Variants in NSMAF observed in about 807,000 individuals in gnomAD.
NSMAF encodes neutral sphingomyelinase activation associated factor.
NSMAF carries 90 observed loss-of-function variants against 134.9 expected under a neutral mutation model. The ratio of observed to expected loss-of-function variants is 0.67; its 90% CI spans 0.56 to 0.79. NSMAF has a LOEUF of 0.79. Ranked by LOEUF, NSMAF falls within the 30% of genes least tolerant of loss-of-function variation. The probability of loss-of-function intolerance (pLI) is 0.00; values close to 1 mark genes in which losing one functional copy is unlikely to be tolerated. For synonymous variants in NSMAF, 358 were observed against 389.6 expected, an observed-to-expected ratio of 0.92 and a Z score of 0.96; for missense variants, 1,010 against 1,119.0, an observed-to-expected ratio of 0.90 and a Z score of 1.39.
rs1039963590 is a variant in NSMAF at position 58,626,248 on chromosome 8, G to C, written c.385-2468C>G. ...CAAGTAGCTGGGACTACAGGCACTTGCCTCGCCCGGCTAATTTTTTGTATT... is the reference window on the plus strand; with the variant it reads ...CAAGTAGCTGGGACTACAGGCACTTCCCTCGCCCGGCTAATTTTTTGTATT... On this transcript the variant is annotated intron_variant, in intron 6 of 30. Coordinates refer to ENST00000038176, the MANE Select transcript of NSMAF (RefSeq NM_003580.4). Among the ~76,000 whole-genome samples the C allele has an allele frequency of 2.0e-5, 3 of 150,524 alleles. No homozygotes were observed. The East Asian group carries it at 5.8e-4, about 29-fold the overall frequency.
chr8:58,594,402 G>C, intron 22 of NSMAF, 112 bp from the exon 23 acceptor site: 1 of 936,548 alleles, frequency 1.1e-6, no homozygotes, highest in African/African-American at 1.6e-5. Context: ...TTTCTTCACA[G>C]CATGTCTGCC....
chr8:58,594,141 G>T, intron 23 of NSMAF, 91 bp downstream of exon 23: 1 of 1,034,230 alleles, frequency 9.7e-7, no homozygotes, highest in Non-Finnish European at 1.5e-6. Context: ...GGCAGCACAT[G>T]CAAGTGCAGT....
At chr8:58,627,158 T>C (rs1192452120) in intron 6 of NSMAF, among the ~76,000 whole-genome samples, 1 of 152,222 alleles carries the variant, frequency 6.6e-6, no homozygotes, top group Non-Finnish European at 1.5e-5. Context: ...ACTCTGTGGG[T>C]TGTCTGTTTA....
intron 6 of NSMAF, among the ~76,000 whole-genome samples, chr8:58,624,815 C>T (rs978509062): frequency 6.6e-6 from 1 of 152,174 alleles, no homozygotes; most frequent in Non-Finnish European, 1.5e-5. Flanking sequence ...CCTATCTGAA[C>T]GTTCTACCCA....
At chr8:58,658,926 A>G (rs76664593) in intron 1 of NSMAF, among the ~76,000 whole-genome samples, 2 of 152,164 alleles carry the variant, frequency 1.3e-5, no homozygotes, top group African/African-American at 4.8e-5. Context: ...CACAAGGTCC[A>G]CTGCGCGGGG....
chr8:58,646,087 G>A (rs1337054830), intron 1 of NSMAF, among the ~76,000 whole-genome samples: 3 of 152,070 alleles, frequency 2.0e-5, no homozygotes, highest in Admixed American at 6.5e-5. Context: ...CAAAAGAAAA[G>A]TAACTCAAAA....
chr8:58,627,450 C>A (rs1806961317), intron 6 of NSMAF, among the ~76,000 whole-genome samples: 1 of 152,044 alleles, frequency 6.6e-6, no homozygotes, highest in Non-Finnish European at 1.5e-5. Context: ...GACCATTTAC[C>A]TAGAAAACTC....
rs1806220722 is a variant in NSMAF at position 58,599,369 on chromosome 8, A to T, written c.1454-6T>A. ...CTGGAGAAAGTCCTCGGGACCTATT[A>T]GATTAGACTCAATCGAAAAATCATG... On this transcript the variant is annotated splice_polypyrimidine_tract_variant and splice_region_variant and intron_variant, in intron 18 of 30. Transcript: ENST00000038176. 6.2e-7 allele frequency: 1 copy of T among 1,611,954 alleles called. No homozygotes were observed. Among genetic ancestry groups the T allele is most frequent in the Admixed American group, 1.7e-5 (1 of 59,484 alleles).
At chr8:58,630,442 A>G (rs1807031804) in intron 6 of NSMAF, among the ~76,000 whole-genome samples, 1 of 152,020 alleles carries the variant, frequency 6.6e-6, no homozygotes, top group Admixed American at 6.6e-5. Flanking sequence ...AACCATGTGC[A>G]GGTATGCAAT....
intron 12 of NSMAF, 24 bp from the exon 13 acceptor site, chr8:58,603,410 T>C: frequency 6.2e-7 from 1 of 1,610,638 alleles, no homozygotes; most frequent in Non-Finnish European, 8.5e-7. Flanking sequence ...ACCCACGAGG[T>C]CTGCCACTTA....
intron 9 of NSMAF, among the ~76,000 whole-genome samples, chr8:58,620,970 T>C (rs1432522543): frequency 6.6e-6 from 1 of 152,188 alleles, no homozygotes; most frequent in Non-Finnish European, 1.5e-5. Flanking sequence ...TTATTTTAGT[T>C]TCAGGGTACA....
chr8:58,596,061 G>A (rs1173506096), intron 21 of NSMAF, among the ~76,000 whole-genome samples: 2 of 152,128 alleles, frequency 1.3e-5, no homozygotes, highest in Admixed American at 6.5e-5. Flanking sequence ...ATCAATTACC[G>A]CAAGGGCTTC....
intron 11 of NSMAF, among the ~76,000 whole-genome samples, chr8:58,606,561 G>A (rs1014242055): frequency 6.6e-6 from 1 of 152,046 alleles, no homozygotes; most frequent in Admixed American, 6.6e-5. Context: ...GGCTACAGGC[G>A]CACCATGCCC....
intron 9 of NSMAF, among the ~76,000 whole-genome samples, chr8:58,613,213 A>G (rs1157436585): frequency 5.9e-5 from 9 of 152,200 alleles, no homozygotes; most frequent in Admixed American, 5.9e-4. Flanking sequence ...GCAAACACAT[A>G]TATGTATCTA....
At position 58,623,793 on chromosome 8, in the gene NSMAF, G is replaced by A. The variant is rs183076341; in HGVS notation, c.385-13C>T. The A allele has an allele frequency of 1.2e-4, 186 of 1,604,580 alleles. No homozygotes were observed. In the African/African-American group the frequency reaches 2.2e-3, roughly 19 times the overall value. ...ATTCCATTTTGCCCTAACAAAAAGG[G>A]GAAGATATCAAAATACAGGAAGAGA... On this transcript the variant is annotated splice_polypyrimidine_tract_variant and intron_variant, in intron 6 of 30. Coordinates refer to ENST00000038176, the MANE Select transcript of NSMAF (RefSeq NM_003580.4).
chr8:58,593,985 A>C (rs1163231051), intron 23 of NSMAF, among the ~76,000 whole-genome samples: 1 of 152,188 alleles, frequency 6.6e-6, no homozygotes, highest in Non-Finnish European at 1.5e-5. Context: ...AAGGGTGTGG[A>C]AAGGAGGCTG....
intron 11 of NSMAF, among the ~76,000 whole-genome samples, chr8:58,606,963 G>A (rs1404327195): frequency 1.3e-5 from 2 of 152,186 alleles, no homozygotes; most frequent in East Asian, 3.8e-4. Flanking sequence ...ACCCAAAAGA[G>A]GAGATTTTTA....
At chr8:58,588,589 A>C in intron 26 of NSMAF, 1 of 1,398,442 alleles carries the variant, frequency 7.2e-7, no homozygotes, top group Non-Finnish European at 1.0e-6. Context: ...ATAGGCATCA[A>C]AGATGCTCGC....
At chr8:58,649,544 TG>T (rs1374461535) in intron 1 of NSMAF, among the ~76,000 whole-genome samples, 3 of 152,186 alleles carry the variant, frequency 2.0e-5, no homozygotes, top group Non-Finnish European at 4.4e-5. Context: ...CATGTTAATA[TG>T]GAATTACCAA....
Sources: allele counts gnomAD v4.1 joint callset (sites outside exome capture counted in the v4.1 genomes callset), GRCh38; gene constraint gnomAD v4.1.1; transcripts MANE v1.5; gene names NCBI Gene and HGNC (gene_info 2026-07-23, HGNC 2026-07-21).